ADGRV1: variants seen among roughly 807,000 people sequenced by gnomAD.
ADGRV1 encodes the protein G-protein coupled receptor 98.
A neutral mutation model predicts 596.2 loss-of-function variants in ADGRV1; 359 were observed. The ratio of observed to expected loss-of-function variants is 0.60; its 90% confidence interval spans 0.55 to 0.66. The LOEUF is 0.66. Ranked by LOEUF, ADGRV1 falls within the 30% of genes least tolerant of loss-of-function variation. The pLI, the probability that ADGRV1 is intolerant of heterozygous loss-of-function variation, is 0.00. For missense variants in ADGRV1, 7,274 were observed against 7,575.6 expected (o/e 0.96, Z 1.48); for synonymous variants, 2,681 against 2,679.2 (o/e 1.00, Z -0.02).
intron 34 of ADGRV1, among the ~76,000 whole-genome samples, chr5:90,698,685 G>A (rs1263119442): frequency 6.6e-6 from 1 of 152,036 alleles, no homozygotes; most frequent in Admixed American, 6.6e-5. Flanking sequence ...GCTGAAATCT[G>A]GAAAATGAAT....
chr5:90,788,045 A>C (rs1759665286), intron 67 of ADGRV1, 26 bp from the exon 68 acceptor site: 1 of 1,554,182 alleles, frequency 6.4e-7, no homozygotes, highest in African/African-American at 1.4e-5. Context: ...TATTAAAGAA[A>C]TACCAAAACC....
intron 84 of ADGRV1, among the ~76,000 whole-genome samples, chr5:90,975,907 G>A (rs764648731): frequency 7.2e-5 from 11 of 151,804 alleles, no homozygotes; most frequent in South Asian, 2.1e-4. Context: ...AAAATTGACA[G>A]TAAGAATTTA....
At chr5:90,686,728 T>C (rs4283827) in intron 29 of ADGRV1, among the ~76,000 whole-genome samples, 5,524 of 152,234 alleles carry the variant, frequency 0.036, 216 homozygotes, top group African/African-American at 0.097. Context: ...GGGTATATAC[T>C]CAGTAATGGG....
chr5:91,047,441 G>T (rs1198465866), intron 85 of ADGRV1, among the ~76,000 whole-genome samples: 1 of 152,186 alleles, frequency 6.6e-6, no homozygotes, highest in Admixed American at 6.5e-5. Flanking sequence ...CAAAGCTGAA[G>T]AACTTGGAGT....
intron 70 of ADGRV1, among the ~76,000 whole-genome samples, chr5:90,797,193 C>G (rs1216767563): frequency 6.9e-6 from 1 of 144,620 alleles, no homozygotes; most frequent in Non-Finnish European, 1.5e-5. Flanking sequence ...GATAAAGAGT[C>G]AAGACCCATC....
chr5:90,608,814 A>T (rs907602587), intron 1 of ADGRV1, among the ~76,000 whole-genome samples: 1 of 152,060 alleles, frequency 6.6e-6, no homozygotes, highest in Non-Finnish European at 1.5e-5. Flanking sequence ...TCCCAGGATG[A>T]CTGTTGCCCA....
intron 71 of ADGRV1, chr5:90,805,057 A>G (rs920753475): frequency 4.4e-5 from 15 of 341,912 alleles, no homozygotes; most frequent in African/African-American, 2.5e-4. Flanking sequence ...CATTCAAAAG[A>G]TAACGTTTTG....
chr5:90,662,471 G>C (rs892495377), intron 21 of ADGRV1, among the ~76,000 whole-genome samples: 1 of 152,052 alleles, frequency 6.6e-6, no homozygotes, highest in African/African-American at 2.4e-5. Flanking sequence ...GGGATTACAG[G>C]TGTAAGCCAC....
intron 84 of ADGRV1, among the ~76,000 whole-genome samples, chr5:90,972,300 G>A (rs1045071614): frequency 4.6e-5 from 7 of 152,272 alleles, no homozygotes; most frequent in African/African-American, 1.7e-4. Flanking sequence ...CAATGAGACA[G>A]AAAGTTAACA....
At chr5:90,980,755 A>G (rs1454947897) in intron 84 of ADGRV1, among the ~76,000 whole-genome samples, 2 of 152,186 alleles carry the variant, frequency 1.3e-5, no homozygotes, top group African/African-American at 4.8e-5. Flanking sequence ...CGCATAGTCA[A>G]TCAGGCACAC....
chr5:90,631,841 T>TA (rs781360728), intron 9 of ADGRV1, among the ~76,000 whole-genome samples: 5 of 152,308 alleles, frequency 3.3e-5, no homozygotes, highest in Non-Finnish European at 5.9e-5. Flanking sequence ...CATTTAGAGC[T>TA]ATATTTAGAA....
intron 25 of ADGRV1, among the ~76,000 whole-genome samples, chr5:90,677,042 C>G (rs771975312): frequency 1.3e-5 from 2 of 152,064 alleles, no homozygotes; most frequent in African/African-American, 4.8e-5. Context: ...GGAATACATA[C>G]GATATGCATT....
chr5:90,673,367 A>T (rs1420622512), intron 22 of ADGRV1, among the ~76,000 whole-genome samples: 1 of 152,196 alleles, frequency 6.6e-6, no homozygotes, highest in Non-Finnish European at 1.5e-5. Context: ...TCTTTGGTAC[A>T]AAAAATATAT....
chr5:90,705,670 G>A lies in ADGRV1; in HGVS notation c.8566+91G>A, dbSNP rs557847379. On this transcript the variant is annotated intron_variant, in intron 37 of 89. Coordinates refer to ENST00000405460, the MANE Select transcript of ADGRV1 (RefSeq NM_032119.4). ...ATGAAAGCCATTGCTAAAATAAATC[G>A]GGGACAGGAGAAAATTAATATTTCT... The A allele has an allele frequency of 2.1e-4, 202 of 968,024 alleles. No homozygotes were observed. In the South Asian group the frequency reaches 2.8e-3, roughly 13 times the overall value. 60.0% of individuals were successfully genotyped at this position (968,024 alleles called of 1,614,324 possible).
intron 1 of ADGRV1, chr5:90,614,632 A>G: frequency 1.6e-6 from 1 of 620,828 alleles, no homozygotes; most frequent in South Asian, 1.6e-5. Context: ...TGAATAGTAG[A>G]AAGAGAACCG....
chr5:90,609,384 CTGAG>C (rs1270428884), intron 1 of ADGRV1, among the ~76,000 whole-genome samples: 3 of 151,870 alleles, frequency 2.0e-5, no homozygotes, highest in Non-Finnish European at 4.4e-5. Flanking sequence ...TAACTACAGT[CTGAG>C]TAAGAGACTA....
At chr5:91,153,191 T>C (rs1277816574) in intron 88 of ADGRV1, 30 bp from the exon 89 acceptor site, 1 of 1,571,716 alleles carries the variant, frequency 6.4e-7, no homozygotes, top group East Asian at 2.3e-5. Context: ...ATATTATGGT[T>C]TCTTTTTCCC....
chr5:90,745,284 G>A lies in ADGRV1; in HGVS notation c.10769+19G>A, dbSNP rs1754484161. On this transcript the variant is annotated intron_variant, in intron 51 of 89. Transcript: ENST00000405460. The stretch of plus-strand genomic sequence containing the variant: ...TTCCTAGGTAGGTTCAACATTTTTT[G>A]CTAAGTATCTTTATGTTCACTGTAA... 6.8e-7 allele frequency: 1 copy of A among 1,479,066 alleles called. No individual in the cohort carries two copies. Among genetic ancestry groups the A allele is most frequent in the South Asian group, 1.3e-5 (1 of 79,456 alleles). 91.6% of individuals were successfully genotyped at this position (1,479,066 alleles called of 1,614,324 possible). A position where few individuals can be genotyped will look rare whatever the true frequency, so the allele number is the denominator to read the frequency against.
intron 59 of ADGRV1, among the ~76,000 whole-genome samples, chr5:90,769,201 C>T (rs185690692): frequency 6.2e-4 from 94 of 152,218 alleles, no homozygotes; most frequent in African/African-American, 2.0e-3. Context: ...AGGGTACAGC[C>T]ACGTTCAAGA....
Sources: allele counts gnomAD v4.1 joint callset (sites outside exome capture counted in the v4.1 genomes callset), GRCh38; gene constraint gnomAD v4.1.1; transcripts MANE v1.5; gene names NCBI Gene and HGNC (gene_info 2026-07-23, HGNC 2026-07-21).